Variants in ASZ1 observed in about 807,000 individuals in gnomAD.
The protein encoded by ASZ1 is ankyrin repeat, SAM and basic leucine zipper domain-containing protein 1.
In ASZ1, 67 loss-of-function variants were observed where a neutral mutation model predicts 61.8. The observed-to-expected ratio is 1.08, with a 90% CI of 0.89 to 1.33. ASZ1 has a LOEUF of 1.33. Among genes scored for constraint, ASZ1 ranks in the 40% most tolerant of loss-of-function variants. The pLI is 0.00. For missense variants in ASZ1, 577 were observed against 554.5 expected (o/e 1.04, Z -0.41); for synonymous variants, 193 against 192.7 (o/e 1.00, Z -0.01).
chr7:117,423,735 G>A (rs1312365165), intron 2 of ASZ1, among the ~76,000 whole-genome samples: 2 of 149,644 alleles, frequency 1.3e-5, no homozygotes, highest in Non-Finnish European at 3.0e-5. Flanking sequence ...GGTGGTGGGT[G>A]CCTGTAGTCT....
In ASZ1 at chr7:117,363,680, A is replaced by G; in HGVS notation, c.1344T>C (p.Ser448=). 6.2e-7 allele frequency: 1 copy of G among 1,608,876 alleles called. No homozygotes were observed. Among genetic ancestry groups the G allele is most frequent in the Non-Finnish European group, 8.5e-7 (1 of 1,177,192 alleles). The part of the protein sequence containing the change: ...QLREEVSTWN[S]RILKRTAITI... ...TAATAGCTGTCCTCTTCAAAATTCT[A>G]CTATTCCATGTAGATACTTCTTCCC... The change falls in exon 13 of 13, where the codon AGT becomes AGC. Residue 448 remains serine (S), a synonymous_variant. Coordinates refer to ENST00000284629, the MANE Select transcript of ASZ1 (RefSeq NM_130768.3).
Position 117,385,778 on chromosome 7 carries a change from G to A in ASZ1, c.472C>T (p.Arg158Ter). ...GCAACAACCTGGGTGTGACCATCTCGAGCAGCATACATGATTGGGGTCATA... is the reference window on the plus strand; with the variant it reads ...GCAACAACCTGGGTGTGACCATCTCAAGCAGCATACATGATTGGGGTCATA... ...RLMTPIMYAARDGHTQVVALL... is the reference protein window; with the variant it reads ...RLMTPIMYAA Residue 158 changes from arginine (R) to a stop codon, truncating the protein, a stop_gained, in exon 5 of 13, where the codon CGA becomes TGA. Transcript: ENST00000284629. LOFTEE classifies it high-confidence loss of function. 1 of 1,613,460 alleles carries A rather than the reference G, an allele frequency of 6.2e-7. No homozygotes were observed. The highest frequency in any genetic ancestry group is 2.2e-5 in the East Asian group (1 of 44,838).
chr7:117,367,750 A>G (rs887938779), intron 11 of ASZ1: 2 of 964,702 alleles, frequency 2.1e-6, no homozygotes, highest in Non-Finnish European at 2.5e-6. Context: ...AAGGTTTTAA[A>G]AATGATGATT....
chr7:117,388,022 AC>A (rs1339065950), intron 4 of ASZ1, among the ~76,000 whole-genome samples: 1 of 152,214 alleles, frequency 6.6e-6, no homozygotes, highest in African/African-American at 2.4e-5. Context: ...AGTATTATGA[AC>A]AAATTTATGC....
At chr7:117,379,763 TA>T (rs1473548257) in intron 10 of ASZ1, among the ~76,000 whole-genome samples, 174 bp downstream of exon 10, 2 of 151,890 alleles carry the variant, frequency 1.3e-5, no homozygotes, top group African/African-American at 4.8e-5. Flanking sequence ...AATGACTTTA[TA>T]AAAATTGACT....
intron 10 of ASZ1, among the ~76,000 whole-genome samples, chr7:117,371,819 TC>T (rs956469046): frequency 1.3e-5 from 2 of 152,170 alleles, no homozygotes; most frequent in African/African-American, 4.8e-5. Flanking sequence ...ATTGGAAGTA[TC>T]AACTGATAGC....
At chr7:117,394,033 C>T (rs1796529680) in intron 4 of ASZ1, among the ~76,000 whole-genome samples, 1 of 152,172 alleles carries the variant, frequency 6.6e-6, no homozygotes, top group African/African-American at 2.4e-5. Flanking sequence ...ATTCTCTCCT[C>T]AGCTACTAGA....
intron 4 of ASZ1, among the ~76,000 whole-genome samples, chr7:117,418,085 A>T (rs1797029374): frequency 6.6e-6 from 1 of 152,190 alleles, no homozygotes; most frequent in Non-Finnish European, 1.5e-5. Flanking sequence ...GGCTTGACTG[A>T]CTTCTGTGTG....
chr7:117,375,412 A>T (rs1796119064), intron 10 of ASZ1, among the ~76,000 whole-genome samples: 1 of 152,110 alleles, frequency 6.6e-6, no homozygotes, highest in South Asian at 2.1e-4. Context: ...TAAATAATAA[A>T]CTTAAAAACT....
intron 10 of ASZ1, among the ~76,000 whole-genome samples, chr7:117,369,799 A>C (rs1796014734): frequency 6.6e-6 from 1 of 152,212 alleles, no homozygotes; most frequent in South Asian, 2.1e-4. Context: ...GGGATAAAAG[A>C]AAACATTATG....
At chr7:117,380,968 A>G in intron 9 of ASZ1, 43 bp downstream of exon 9, 1 of 1,491,650 alleles carries the variant, frequency 6.7e-7, no homozygotes, top group Non-Finnish European at 9.2e-7. Flanking sequence ...CAATTTTAAA[A>G]ACATCAAACA....
intron 4 of ASZ1, among the ~76,000 whole-genome samples, chr7:117,418,484 C>G (rs1248071758): frequency 6.6e-6 from 1 of 151,994 alleles, no homozygotes; most frequent in African/African-American, 2.4e-5. Context: ...GAAACCCCAT[C>G]TCTACTAAAA....
chr7:117,400,708 A>T (rs1356968187), intron 4 of ASZ1, among the ~76,000 whole-genome samples: 1 of 152,206 alleles, frequency 6.6e-6, no homozygotes, highest in Non-Finnish European at 1.5e-5. Context: ...GACTACAACC[A>T]CCAAGCTAAA....
At chr7:117,365,142 A>G (rs556301884) in intron 12 of ASZ1, among the ~76,000 whole-genome samples, 13 of 152,354 alleles carry the variant, frequency 8.5e-5, no homozygotes, top group Non-Finnish European at 1.5e-4. Flanking sequence ...TACTACTTGT[A>G]CAAGACTAAT....
intron 12 of ASZ1, among the ~76,000 whole-genome samples, 183 bp downstream of exon 12, chr7:117,367,169 A>G (rs1468291307): frequency 6.6e-6 from 1 of 152,148 alleles, no homozygotes; most frequent in South Asian, 2.1e-4. Context: ...TTTAGTACGC[A>G]TTTGCTTAAT....
chr7:117,387,144 TAAAA>T (rs577384608), intron 4 of ASZ1, among the ~76,000 whole-genome samples: 1 of 121,810 alleles, frequency 8.2e-6, no homozygotes. Flanking sequence ...TACCTCTACT[TAAAA>T]AAAAAAAAAA....
At chr7:117,417,157 A>G (rs1262779662) in intron 4 of ASZ1, among the ~76,000 whole-genome samples, 1 of 152,014 alleles carries the variant, frequency 6.6e-6, no homozygotes, top group Admixed American at 6.5e-5. Context: ...ATTTCACTTC[A>G]TGAGACAAGA....
intron 10 of ASZ1, among the ~76,000 whole-genome samples, chr7:117,371,872 G>A (rs554914631): frequency 1.8e-4 from 28 of 152,132 alleles, no homozygotes; most frequent in Non-Finnish European, 2.4e-4. Flanking sequence ...ATATATATGC[G>A]GAATATAAAT....
At chr7:117,398,689 T>C (rs1457198851) in intron 4 of ASZ1, among the ~76,000 whole-genome samples, 1 of 152,188 alleles carries the variant, frequency 6.6e-6, no homozygotes, top group Non-Finnish European at 1.5e-5. Context: ...GCTTTCATGA[T>C]AAAAATTCGT....
Sources: gnomAD v4.1 joint callset for allele counts (sites outside exome capture counted in the v4.1 genomes callset) on GRCh38, gnomAD v4.1.1 for gene constraint, MANE v1.5 for transcripts, NCBI Gene and HGNC (gene_info 2026-07-23, HGNC 2026-07-21) for gene names.